Variants in CDH23 observed in about 807,000 individuals in gnomAD.
The protein encoded by CDH23 is cadherin related 23.
Under a neutral mutation model 317.1 loss-of-function variants are expected in CDH23, and 189 were observed. The ratio of observed to expected loss-of-function variants is 0.60; its 90% CI spans 0.53 to 0.67. The LOEUF is 0.67. CDH23 is among the 30% of genes least tolerant of loss of function. The probability of loss-of-function intolerance (pLI) is 0.00; values close to 1 mark genes in which losing one functional copy is unlikely to be tolerated. For synonymous variants in CDH23, 1,839 were observed against 1,876.8 expected, an observed-to-expected ratio of 0.98 and a Z score of 0.52; for missense variants, 4,401 against 4,592.4, an observed-to-expected ratio of 0.96 and a Z score of 1.20.
chr10:71,433,575 G>C (rs1849490787), intron 1 of CDH23, among the ~76,000 whole-genome samples: 1 of 151,966 alleles, frequency 6.6e-6, no homozygotes, highest in Non-Finnish European at 1.5e-5. Flanking sequence ...GGCTGAGCAT[G>C]TCCAGCTGCT....
chr10:71,694,549 C>T (rs1297554795), intron 21 of CDH23, among the ~76,000 whole-genome samples: 1 of 152,148 alleles, frequency 6.6e-6, no homozygotes, highest in African/African-American at 2.4e-5. Context: ...AGGCATGAGC[C>T]CCATAGGCCC....
intron 1 of CDH23, among the ~76,000 whole-genome samples, chr10:71,424,615 C>A (rs1376290812): frequency 6.6e-6 from 1 of 152,226 alleles, no homozygotes; most frequent in Non-Finnish European, 1.5e-5. Flanking sequence ...GCCTTCCCTG[C>A]AACATAGTGT....
At chr10:71,733,197 A>G (rs1839448423) in intron 32 of CDH23, among the ~76,000 whole-genome samples, 1 of 152,230 alleles carries the variant, frequency 6.6e-6, no homozygotes, top group African/African-American at 2.4e-5. Flanking sequence ...AGTCTAAAGG[A>G]TACCAACAAA....
At chr10:71,757,926 G>A (rs1840192046) in intron 38 of CDH23, among the ~76,000 whole-genome samples, 1 of 152,178 alleles carries the variant, frequency 6.6e-6, no homozygotes, top group Non-Finnish European at 1.5e-5. Flanking sequence ...AGCAATGCAG[G>A]AGCTCCTTGG....
At chr10:71,611,355 C>T (rs1054173340) in intron 9 of CDH23, among the ~76,000 whole-genome samples, 1 of 152,206 alleles carries the variant, frequency 6.6e-6, no homozygotes, top group Non-Finnish European at 1.5e-5. Context: ...AGCCTCAGTT[C>T]AGGGCAGCCT....
intron 28 of CDH23, chr10:71,717,138 G>A (rs866078262): frequency 2.6e-5 from 4 of 152,416 alleles, no homozygotes; most frequent in South Asian, 4.1e-4. Flanking sequence ...TCCGAAGAGG[G>A]GATTTGGCAT....
chr10:71,680,829 C>CTTTTTTTTT (rs1312991062), intron 17 of CDH23, among the ~76,000 whole-genome samples: 5 of 70,130 alleles, frequency 7.1e-5, no homozygotes, highest in Non-Finnish European at 7.4e-5. Context: ...TTTTCTTTTT[C>CTTTTTTTTT]TTTTTTTTTT....
chr10:71,790,549 C>T (rs1841221349), intron 46 of CDH23, 136 bp downstream of exon 46: 1 of 1,179,994 alleles, frequency 8.5e-7, no homozygotes, highest in South Asian at 1.5e-5. Context: ...AGCCCAGAGT[C>T]CCCATCTTGC....
intron 6 of CDH23, among the ~76,000 whole-genome samples, chr10:71,520,741 T>A (rs1854625494): frequency 6.6e-6 from 1 of 152,204 alleles, no homozygotes; most frequent in Admixed American, 6.5e-5. Context: ...CTGCTATTGT[T>A]TTCCTGTTTC....
At chr10:71,672,816 T>A (rs889005776) in intron 14 of CDH23, among the ~76,000 whole-genome samples, 1 of 151,932 alleles carries the variant, frequency 6.6e-6, no homozygotes, top group Non-Finnish European at 1.5e-5. Context: ...ACCTCACATA[T>A]CCTTCCCGTC....
chr10:71,408,718 T>G lies in CDH23; in HGVS notation c.-6+11400T>G, dbSNP rs888883428. Among the ~76,000 whole-genome samples, 10 of 152,322 alleles carry G rather than the reference T, an allele frequency of 6.6e-5. No individual in the cohort carries two copies. The South Asian group carries it at 1.7e-3, about 25-fold the overall frequency. On this transcript the variant is annotated intron_variant, in intron 1 of 69. Coordinates refer to ENST00000224721, the MANE Select transcript of CDH23 (RefSeq NM_022124.6). ...ATGAATAATACAGCGGGAGAGAGGCTGTTAACTAGGTGACCTCGTTGCACC... is the reference window on the plus strand; with the variant it reads ...ATGAATAATACAGCGGGAGAGAGGCGGTTAACTAGGTGACCTCGTTGCACC...
chr10:71,568,638 G>A (rs1436861489), intron 7 of CDH23, among the ~76,000 whole-genome samples: 1 of 152,170 alleles, frequency 6.6e-6, no homozygotes, highest in Non-Finnish European at 1.5e-5. Context: ...AGCTGACACC[G>A]AGTCCTTCTC....
intron 69 of CDH23, among the ~76,000 whole-genome samples, chr10:71,814,613 C>T (rs1248001820): frequency 3.3e-5 from 5 of 151,862 alleles, no homozygotes; most frequent in Non-Finnish European, 7.4e-5. Context: ...GAGCCAAAAT[C>T]GCGCCACTGC....
At chr10:71,437,561 G>A (rs1849674593) in intron 1 of CDH23, among the ~76,000 whole-genome samples, 1 of 152,212 alleles carries the variant, frequency 6.6e-6, no homozygotes, top group South Asian at 2.1e-4. Context: ...AAAGTAAACA[G>A]TAGCCTCACG....
At chr10:71,629,038 C>T (rs1564697196) in intron 11 of CDH23, among the ~76,000 whole-genome samples, 1 of 152,202 alleles carries the variant, frequency 6.6e-6, no homozygotes, top group Non-Finnish European at 1.5e-5. Context: ...GCCCACGGGC[C>T]TCTGGCAGGA....
rs192824937 is a variant in CDH23, at chr10:71,416,836, T to C, written c.-6+19518T>C. Among the ~76,000 whole-genome samples the C allele has an allele frequency of 1.2e-3, 186 of 152,246 alleles. 1 individual carries two copies. Among genetic ancestry groups the C allele is most frequent in the East Asian group, 8.1e-3 (42 of 5,186 alleles). On this transcript the variant is annotated intron_variant, in intron 1 of 69. Coordinates refer to ENST00000224721, the MANE Select transcript of CDH23 (RefSeq NM_022124.6). ...GCATGTGCCACCATGCCAGGCAATT[T>C]TGAAGGATATTTTTACTGAGTATAA... is the stretch of plus-strand genomic sequence containing the variant.
chr10:71,795,480 T>C (rs1417876941), intron 48 of CDH23: 1 of 152,502 alleles, frequency 6.6e-6, no homozygotes. Flanking sequence ...TGCTTTTCTC[T>C]TTCCTGTTCC....
At chr10:71,733,370 A>G (rs1175799670) in intron 32 of CDH23, among the ~76,000 whole-genome samples, 3 of 152,194 alleles carry the variant, frequency 2.0e-5, no homozygotes, top group African/African-American at 7.2e-5. Flanking sequence ...CATAGGTACG[A>G]TCAATTATTA....
chr10:71,690,677 C>T (rs147154942), intron 20 of CDH23, 93 bp downstream of exon 20: 1 of 829,348 alleles, frequency 1.2e-6, no homozygotes, highest in Non-Finnish European at 2.0e-6. Flanking sequence ...GCCCAGGTCC[C>T]CTTCCTTTCA....
Sources: allele counts gnomAD v4.1 joint callset (sites outside exome capture counted in the v4.1 genomes callset), GRCh38; gene constraint gnomAD v4.1.1; transcripts MANE v1.5; gene names NCBI Gene and HGNC (gene_info 2026-07-23, HGNC 2026-07-21).